FMR1NB: variants seen among roughly 807,000 people sequenced by gnomAD.
The protein encoded by FMR1NB is FMR1 neighbor protein.
In FMR1NB, 10 loss-of-function variants were observed where a neutral mutation model predicts 16.8. That is an observed-to-expected ratio of 0.60 (90% CI 0.37 to 1.01). FMR1NB has a LOEUF of 1.01. Among genes scored for constraint, FMR1NB ranks in the 50% least tolerant of loss-of-function variants. FMR1NB has a pLI of 0.01. For synonymous variants in FMR1NB, 83 were observed against 79.1 expected, an observed-to-expected ratio of 1.05 and a Z score of -0.26; for missense variants, 205 against 204.8, an observed-to-expected ratio of 1.00 and a Z score of 0.00.
chrX:148,003,082 T>C, intron 1 of FMR1NB, 119 bp from the exon 2 acceptor site: 10 of 744,538 alleles, frequency 1.3e-5, no homozygotes, highest in Non-Finnish European at 1.8e-5. Flanking sequence ...GATGAAAGTA[T>C]ATCTGTTAGC....
At chrX:148,001,707 G>A (rs1388662457) in intron 1 of FMR1NB, among the ~76,000 whole-genome samples, 6 of 109,783 alleles carry the variant, frequency 5.5e-5, no homozygotes, top group African/African-American at 1.3e-4. Flanking sequence ...CTGAGATTGC[G>A]CCATTGCACT....
chrX:148,024,325 A>G, intron 4 of FMR1NB, among the ~76,000 whole-genome samples: 1 of 112,076 alleles, frequency 8.9e-6, no homozygotes, highest in Non-Finnish European at 1.9e-5. Flanking sequence ...TATATAAAGC[A>G]CTTAGTGAAG....
At chrX:147,989,258 C>G (rs782305297) in intron 1 of FMR1NB, among the ~76,000 whole-genome samples, 114 of 112,292 alleles carry the variant, frequency 1.0e-3, no homozygotes, top group Non-Finnish European at 1.4e-3. Flanking sequence ...AGTCAGGCCC[C>G]TCTGTGGCAG....
Position 148,008,661 on chromosome X carries a change from C to T in FMR1NB, c.582C>T (p.Ser194=). 8.3e-7 allele frequency: 1 copy of T among 1,211,721 alleles called. No homozygotes were observed. Among genetic ancestry groups the T allele is most frequent in the Non-Finnish European group, 1.1e-6 (1 of 895,451 alleles). ...AAATGTTTGGGCTTGGTGCGATCAGCCTTATCCTGGTATGTCTGCCCATTT... is the reference window on the plus strand; with the variant it reads ...AAATGTTTGGGCTTGGTGCGATCAGTCTTATCCTGGTATGTCTGCCCATTT... The part of the protein sequence containing the change: ...MMQMFGLGAI[S]LILVCLPIYC... Residue 194 remains serine, a synonymous_variant, in exon 4 of 6, where the codon AGC becomes AGT. Coordinates refer to ENST00000370467, the MANE Select transcript of FMR1NB (RefSeq NM_152578.3).
chrX:148,008,437 A>G (rs192155041), intron 3 of FMR1NB, among the ~76,000 whole-genome samples, 181 bp from the exon 4 acceptor site: 148 of 112,288 alleles, frequency 1.3e-3, no homozygotes, highest in Middle Eastern at 4.6e-3. Context: ...GTTGTATTTC[A>G]AGAACATTTC....
intron 1 of FMR1NB, among the ~76,000 whole-genome samples, chrX:147,985,954 A>G (rs1210356088): frequency 1.8e-5 from 2 of 112,035 alleles, no homozygotes; most frequent in East Asian, 2.8e-4. Flanking sequence ...AAGTGTTTCT[A>G]TTTCTTCACA....
At chrX:148,006,989 G>T in intron 3 of FMR1NB, 147 bp downstream of exon 3, 1 of 572,164 alleles carries the variant, frequency 1.7e-6, no homozygotes, top group Non-Finnish European at 2.6e-6. Flanking sequence ...GTCCTGAGGT[G>T]GTCATGACTC....
At chrX:148,013,038 C>T (rs1349949228) in intron 4 of FMR1NB, among the ~76,000 whole-genome samples, 1 of 111,503 alleles carries the variant, frequency 9.0e-6, no homozygotes, top group African/African-American at 3.3e-5. Context: ...TAAAATATGT[C>T]AGATGAGAAT....
At chrX:148,010,943 T>C (rs1382233100) in intron 4 of FMR1NB, among the ~76,000 whole-genome samples, 1 of 111,299 alleles carries the variant, frequency 9.0e-6, no homozygotes, top group African/African-American at 3.3e-5. Context: ...CTCTGCAATT[T>C]GGACAGTGCC....
rs782308347 is a variant in FMR1NB at position 148,024,960 on chromosome X, A to G, written c.728A>G (p.Gln243Arg). ...RKRKRKSEML[Q>R]KAARGREEHG... is the part of the protein sequence containing the mutation. ...CGAAAGAGGAAGTCTGAAATGTTAC[A>G]GAAAGCAGCAAGAGGACGTGAGGAA... Residue 243 changes from glutamine to arginine, a missense_variant, in exon 5 of 6, where the codon CAG (glutamine) becomes CGG (arginine). Gln to Arg is a conservative substitution (Grantham distance 43). Transcript: ENST00000370467. The G allele has an allele frequency of 8.3e-7, 1 of 1,211,346 alleles. No homozygotes were observed. The highest frequency in any genetic ancestry group is 1.1e-6 in the Non-Finnish European group (1 of 895,095).
At chrX:148,002,260 T>C (rs1442103826) in intron 1 of FMR1NB, among the ~76,000 whole-genome samples, 1 of 111,691 alleles carries the variant, frequency 9.0e-6, no homozygotes, top group Non-Finnish European at 1.9e-5. Flanking sequence ...GCTCACTGAT[T>C]ATGAAAGTTG....
intron 1 of FMR1NB, among the ~76,000 whole-genome samples, chrX:147,998,135 G>A (rs1033150781): frequency 8.9e-6 from 1 of 112,293 alleles, no homozygotes; most frequent in East Asian, 2.8e-4. Flanking sequence ...AATCATTCTA[G>A]TATAAAGACA....
chrX:147,982,375 C>T (rs1001091419), intron 1 of FMR1NB, among the ~76,000 whole-genome samples: 26 of 109,095 alleles, frequency 2.4e-4, no homozygotes, highest in Middle Eastern at 4.8e-3. Flanking sequence ...ATTGCCTGAG[C>T]TTAGGAGTTC....
chrX:148,014,418 A>G (rs782546272), intron 4 of FMR1NB, among the ~76,000 whole-genome samples: 12 of 112,011 alleles, frequency 1.1e-4, no homozygotes, highest in Middle Eastern at 4.6e-3. Flanking sequence ...TCATTTCATT[A>G]TATCATTCAA....
intron 4 of FMR1NB, among the ~76,000 whole-genome samples, chrX:148,022,997 G>A (rs1234680111): frequency 1.8e-5 from 2 of 111,405 alleles, no homozygotes; most frequent in Non-Finnish European, 3.8e-5. Flanking sequence ...TTCATTTTGC[G>A]ACAAACCTGG....
intron 4 of FMR1NB, among the ~76,000 whole-genome samples, chrX:148,014,378 C>A (rs140573423): frequency 0.016 from 1,739 of 112,020 alleles, 24 homozygotes; most frequent in Middle Eastern, 0.033. Context: ...CAATGTCTTG[C>A]CAGACTCATC....
chrX:148,011,059 T>A (rs1282589817), intron 4 of FMR1NB, among the ~76,000 whole-genome samples: 1 of 109,884 alleles, frequency 9.1e-6, no homozygotes, highest in Non-Finnish European at 1.9e-5. Flanking sequence ...AGGTCAGGAG[T>A]TCGAGACCAG....
At chrX:147,987,869 G>T in intron 1 of FMR1NB, among the ~76,000 whole-genome samples, 1 of 108,988 alleles carries the variant, frequency 9.2e-6, no homozygotes, top group African/African-American at 3.4e-5. Context: ...TATTTGCTTG[G>T]TGAAATTTCT....
At chrX:147,996,070 A>G (rs1557188125) in intron 1 of FMR1NB, among the ~76,000 whole-genome samples, 2 of 112,143 alleles carry the variant, frequency 1.8e-5, no homozygotes, top group Non-Finnish European at 3.8e-5. Context: ...TTTTCCTTTA[A>G]GCTACCTTAC....
Sources: gnomAD v4.1 joint callset for allele counts (sites outside exome capture counted in the v4.1 genomes callset) on GRCh38, gnomAD v4.1.1 for gene constraint, MANE v1.5 for transcripts, NCBI Gene and HGNC (gene_info 2026-07-23, HGNC 2026-07-21) for gene names.